The following SPMIP11 variants were observed in gnomAD, a reference collection of about 807,000 sequenced individuals.
SPMIP11 encodes the protein sperm microtubule inner protein 11, also known as long intergenic non-protein coding RNA 935.
At chr12:48,759,148 G>A in the SPMIP11 span, 6 of 695,590 alleles carry the variant, frequency 8.6e-6, no homozygotes, top group Non-Finnish European at 1.6e-5. Context: ...TGGAGACCAG[G>A]GAATCAGAGA....
At chr12:48,746,360 CTTTTTTTTTTT>C in the SPMIP11 span, among the ~76,000 whole-genome samples, 2 of 101,196 alleles carry the variant, frequency 2.0e-5, no homozygotes, top group African/African-American at 7.4e-5. Flanking sequence ...ACTATAATTC[CTTTTTTTTTTT>C]TTTTTTTTTT....
chr12:48,757,498 G>T, the SPMIP11 span, among the ~76,000 whole-genome samples: 1 of 150,366 alleles, frequency 6.7e-6, no homozygotes, highest in African/African-American at 2.4e-5. Flanking sequence ...ATACAAAAAT[G>T]AGCCAGGCGT....
chr12:48,733,982 G>T, the SPMIP11 span, among the ~76,000 whole-genome samples: 1 of 152,008 alleles, frequency 6.6e-6, no homozygotes, highest in Non-Finnish European at 1.5e-5. Context: ...ATGTTGGCCA[G>T]GCTGGTCTCG....
the SPMIP11 span, among the ~76,000 whole-genome samples, chr12:48,744,220 C>G: frequency 1.4e-5 from 2 of 138,394 alleles, no homozygotes; most frequent in Non-Finnish European, 3.0e-5. Context: ...TGCACTCCAG[C>G]GTGGGCAACA....
chr12:48,769,211 G>A, the SPMIP11 span: 5 of 810,762 alleles, frequency 6.2e-6, no homozygotes, highest in African/African-American at 3.5e-5. Context: ...AGTTCAAGAC[G>A]AGCCTGGCCA....
chr12:48,761,719 CTTTTTTTT>C, the SPMIP11 span, among the ~76,000 whole-genome samples: 1 of 95,244 alleles, frequency 1.0e-5, no homozygotes, highest in Non-Finnish European at 2.1e-5. Context: ...ATATAACATT[CTTTTTTTT>C]TTTTTTTTTT....
At chr12:48,728,317 A>G in the SPMIP11 span, among the ~76,000 whole-genome samples, 1 of 152,218 alleles carries the variant, frequency 6.6e-6, no homozygotes, top group Admixed American at 6.5e-5. Context: ...TGGATTTGGA[A>G]TAAGAACGGG....
the SPMIP11 span, among the ~76,000 whole-genome samples, chr12:48,750,130 T>A: frequency 6.6e-6 from 1 of 151,838 alleles, no homozygotes; most frequent in Non-Finnish European, 1.5e-5. Context: ...GGCAGGAAAA[T>A]CGCTTGAGTT....
chr12:48,748,835 T>A, the SPMIP11 span, among the ~76,000 whole-genome samples: 1 of 152,332 alleles, frequency 6.6e-6, no homozygotes, highest in African/African-American at 2.4e-5. Context: ...TCTCCTATTA[T>A]CATGAATGAA....
At chr12:48,728,083 A>G in the SPMIP11 span, among the ~76,000 whole-genome samples, 1 of 152,140 alleles carries the variant, frequency 6.6e-6, no homozygotes, top group Non-Finnish European at 1.5e-5. Flanking sequence ...TGTTCAACCA[A>G]ATAAGTGTAT....
chr12:48,740,254 T>C, the SPMIP11 span, among the ~76,000 whole-genome samples: 3 of 152,218 alleles, frequency 2.0e-5, no homozygotes, highest in Non-Finnish European at 4.4e-5. Context: ...AGTTAACTCA[T>C]TGTTAATTTT....
the SPMIP11 span, among the ~76,000 whole-genome samples, chr12:48,732,402 A>G: frequency 2.6e-5 from 4 of 152,052 alleles, no homozygotes; most frequent in African/African-American, 7.3e-5. Context: ...ATTCCTACCA[A>G]CTACACACCC....
At chr12:48,740,717 T>C in the SPMIP11 span, among the ~76,000 whole-genome samples, 1 of 151,310 alleles carries the variant, frequency 6.6e-6, no homozygotes, top group Non-Finnish European at 1.5e-5. Context: ...TGAAACCCAG[T>C]CTCTGCTAAA....
At chr12:48,733,961 A>G in the SPMIP11 span, among the ~76,000 whole-genome samples, 1 of 151,512 alleles carries the variant, frequency 6.6e-6, no homozygotes, top group African/African-American at 2.4e-5. Context: ...TAGTAGAGAC[A>G]GGGTTTCACC....
At chr12:48,752,080 C>CA in the SPMIP11 span, among the ~76,000 whole-genome samples, 1 of 132,684 alleles carries the variant, frequency 7.5e-6, no homozygotes, top group Admixed American at 7.3e-5. Flanking sequence ...AAAAAAAAAA[C>CA]AAACAAACAA....
At chr12:48,764,599 G>C in the SPMIP11 span, among the ~76,000 whole-genome samples, 3 of 152,222 alleles carry the variant, frequency 2.0e-5, no homozygotes, top group South Asian at 6.2e-4. Context: ...TTAGCACTTG[G>C]GGAAAGCTCT....
chr12:48,738,644 C>T, the SPMIP11 span, among the ~76,000 whole-genome samples: 2 of 151,902 alleles, frequency 1.3e-5, no homozygotes, highest in Non-Finnish European at 2.9e-5. Context: ...ATGCCATTCT[C>T]CTGCCTCAGC....
chr12:48,740,097 T>C, the SPMIP11 span, among the ~76,000 whole-genome samples: 1 of 152,192 alleles, frequency 6.6e-6, no homozygotes, highest in African/African-American at 2.4e-5. Context: ...ATGATGATGA[T>C]GTCATTTTAG....
the SPMIP11 span, among the ~76,000 whole-genome samples, chr12:48,751,852 C>T: frequency 4.6e-5 from 7 of 151,690 alleles, no homozygotes; most frequent in East Asian, 1.9e-4. Flanking sequence ...AGATCACCTG[C>T]GGTCAGGAGT....
Sources: allele counts gnomAD v4.1 joint callset (sites outside exome capture counted in the v4.1 genomes callset), GRCh38; gene constraint gnomAD v4.1.1; transcripts MANE v1.5; gene names NCBI Gene and HGNC (gene_info 2026-07-23, HGNC 2026-07-21).